Variants in CHD4 observed in about 807,000 individuals in gnomAD.
CHD4 encodes ATP-dependent chromatin remodeler CHD4.
CHD4 carries 35 observed loss-of-function variants against 235.5 expected under a neutral mutation model. The ratio of observed to expected loss-of-function variants is 0.15; its 90% CI spans 0.11 to 0.20. The LOEUF is 0.20. Ranked by LOEUF, CHD4 falls within the 10% of genes least tolerant of loss-of-function variation. The probability of loss-of-function intolerance (pLI) is 1.00; values close to 1 mark genes in which losing one functional copy is unlikely to be tolerated. For synonymous variants in CHD4, 900 were observed against 850.2 expected (o/e 1.06, Z -1.02); for missense variants, 1,329 against 2,432.3 (o/e 0.55, Z 9.54).
At chr12:6,582,047 C>G in intron 30 of CHD4, 90 bp downstream of exon 30, 1 of 1,379,500 alleles carries the variant, frequency 7.2e-7, no homozygotes, top group South Asian at 1.6e-5. Context: ...AAGTGATCCA[C>G]CCGCCTCAGC....
chr12:6,592,263 C>T, intron 19 of CHD4, 130 bp downstream of exon 19: 1 of 1,314,154 alleles, frequency 7.6e-7, no homozygotes, highest in Non-Finnish European at 1.0e-6. Context: ...AGCGCCCTAG[C>T]ATCAGGTTTC....
intron 22 of CHD4, among the ~76,000 whole-genome samples, chr12:6,588,701 C>A (rs1288374011): frequency 2.0e-5 from 3 of 151,780 alleles, no homozygotes; most frequent in African/African-American, 7.3e-5. Flanking sequence ...CCGCTTGAAC[C>A]TGGTAGGCAG....
At chr12:6,601,599 G>C (rs1486403249) in intron 5 of CHD4, 49 bp downstream of exon 5, 1 of 1,613,218 alleles carries the variant, frequency 6.2e-7, no homozygotes, top group Non-Finnish European at 8.5e-7. Context: ...AGTAAGAAGA[G>C]AGAACAGAAA....
At chr12:6,581,417 G>C in intron 31 of CHD4, 29 bp from the exon 32 acceptor site, 1 of 1,599,000 alleles carries the variant, frequency 6.3e-7, no homozygotes, top group Non-Finnish European at 8.6e-7. Flanking sequence ...CAATCAATTA[G>C]GAAGAAGGTA....
At chr12:6,601,844 AG>A in intron 4 of CHD4, 78 bp from the exon 5 acceptor site, 2 of 1,560,176 alleles carry the variant, frequency 1.3e-6, no homozygotes, top group Non-Finnish European at 1.8e-6. Flanking sequence ...TGGAAAAATC[AG>A]AGTAACAGAG....
At chr12:6,577,256 C>T (rs1211454767) in intron 37 of CHD4, among the ~76,000 whole-genome samples, 1 of 145,498 alleles carries the variant, frequency 6.9e-6, no homozygotes, top group South Asian at 2.2e-4. Flanking sequence ...CCCATCTCTA[C>T]TAAAAATCCA....
chr12:6,592,488 C>T lies in CHD4; in HGVS notation c.2853G>A (p.Gly951=). 6.2e-7 allele frequency: 1 copy of T among 1,612,024 alleles called. No homozygotes were observed. Among genetic ancestry groups the T allele is most frequent in the Non-Finnish European group, 8.5e-7 (1 of 1,178,190 alleles). Residue 951 remains glycine (G), a synonymous_variant, in exon 19 of 40, where the codon GGG becomes GGA. Transcript: ENST00000544040. Reference sequence around the variant, plus strand: ...CTTTGAGCCGCCGCAACATGTGCGGCCCCAGCATGTCATGCAGTTTTTTTA... The same window carrying T: ...CTTTGAGCCGCCGCAACATGTGCGGTCCCAGCATGTCATGCAGTTTTTTTA... ...DQIKKLHDML[G]PHMLRRLKAD...
intron 24 of CHD4, 73 bp downstream of exon 24, chr12:6,587,639 G>T: frequency 6.2e-7 from 1 of 1,603,680 alleles, no homozygotes; most frequent in Non-Finnish European, 8.5e-7. Context: ...CAAGACCCTT[G>T]GTATCAAAGA....
chr12:6,604,803 G>A (rs1317486543), intron 2 of CHD4, among the ~76,000 whole-genome samples: 2 of 152,178 alleles, frequency 1.3e-5, no homozygotes, highest in African/African-American at 4.8e-5. Flanking sequence ...CTACAGCTCA[G>A]GACAGAGTTC....
intron 25 of CHD4, chr12:6,584,380 A>T (rs888141297): frequency 6.6e-6 from 1 of 152,184 alleles, no homozygotes; most frequent in Non-Finnish European, 1.5e-5. Flanking sequence ...GAGAAAAGAG[A>T]TACGTGTGTG....
At chr12:6,595,769 CAA>C (rs1948480353) in intron 13 of CHD4, among the ~76,000 whole-genome samples, 1 of 117,782 alleles carries the variant, frequency 8.5e-6, no homozygotes, top group Non-Finnish European at 1.7e-5. Context: ...GCCTGGGGGA[CAA>C]GAGCAAGACT....
rs886039918 is a variant in CHD4 at position 6,587,897 on chromosome 12, C to T, written c.3518G>A (p.Arg1173Gln). The T allele has an allele frequency of 6.2e-7, 1 of 1,614,218 alleles. No homozygotes were observed. The highest frequency in any genetic ancestry group is 1.3e-5 in the African/African-American group (1 of 75,060). The change falls in exon 24 of 40, where the codon CGG (arginine) becomes CAG (glutamine). Residue 1173 changes from arginine (R) to glutamine (Q), a missense_variant. Transcript: ENST00000544040. Reference protein sequence around the residue: ...IGQNKKVMIYRFVTRASVEER... With the variant: ...IGQNKKVMIYQFVTRASVEER... Reference sequence around the variant, plus strand: ...CTCCACTGACGCACGGGTCACAAACCGGTAGATCATTACCTTTTTATTTTG... The same window carrying T: ...CTCCACTGACGCACGGGTCACAAACTGGTAGATCATTACCTTTTTATTTTG...
At chr12:6,574,344 T>A (rs1486100251) in intron 37 of CHD4, among the ~76,000 whole-genome samples, 1 of 152,230 alleles carries the variant, frequency 6.6e-6, no homozygotes, top group East Asian at 1.9e-4. Flanking sequence ...TGCATTCTCC[T>A]AATGCTGAAC....
At chr12:6,580,998 T>C (rs762364248) in intron 33 of CHD4, 46 bp downstream of exon 33, 29 of 1,607,676 alleles carry the variant, frequency 1.8e-5, no homozygotes, top group Admixed American at 8.4e-5. Context: ...AGCACTACAC[T>C]GTCTCAAAAC....
At chr12:6,592,599 G>A (rs766248477) in intron 18 of CHD4, 33 bp from the exon 19 acceptor site, 5 of 1,582,440 alleles carry the variant, frequency 3.2e-6, no homozygotes, top group Middle Eastern at 1.7e-4. Flanking sequence ...AGTTATTGGA[G>A]AAGGAGAAAG....
chr12:6,574,708 A>G (rs1948038828), intron 37 of CHD4, among the ~76,000 whole-genome samples: 1 of 152,144 alleles, frequency 6.6e-6, no homozygotes, highest in Admixed American at 6.5e-5. Context: ...AGAAATACCA[A>G]AAGACTTGTC....
intron 22 of CHD4, among the ~76,000 whole-genome samples, chr12:6,590,738 T>C (rs1000170786): frequency 1.3e-5 from 2 of 152,156 alleles, no homozygotes; most frequent in African/African-American, 4.8e-5. Context: ...GCAGGATCAC[T>C]TGAGCCTGGG....
chr12:6,582,117 G>A lies in CHD4; in HGVS notation c.4515+20C>T. 6.5e-7 allele frequency: 1 copy of A among 1,529,430 alleles called. No homozygotes were observed. The highest frequency in any genetic ancestry group is 1.2e-5 in the South Asian group (1 of 81,084). 94.7% of individuals were successfully genotyped at this position (1,529,430 alleles called of 1,614,324 possible). A position where few individuals can be genotyped will look rare whatever the true frequency, so the allele number is the denominator to read the frequency against. ...TGCGCCTGGCCCCCTAGAAACAATG[G>A]CAAGAGGCTCAGGGCTCACCTTCTT... On this transcript the variant is annotated intron_variant, in intron 30 of 39. Coordinates refer to ENST00000544040, the MANE Select transcript of CHD4 (RefSeq NM_001273.5).
chr12:6,587,814 G>A lies in CHD4; in HGVS notation c.3601C>T (p.Pro1201Ser). The A allele has an allele frequency of 6.2e-7, 1 of 1,614,126 alleles. No individual in the cohort carries two copies. The highest frequency in any genetic ancestry group is 8.5e-7 in the Non-Finnish European group (1 of 1,180,028). ...KMMLTHLVVR[P>S]GLGSKTGSMS... is the part of the protein sequence containing the mutation. ...GATCCAGTCTTGGAGCCCAGCCCAG[G>A]CCGCACCACTAGATGCGTCAGCATC... The change falls in exon 24 of 40, where the codon CCT (proline) becomes TCT (serine). Residue 1201 changes from proline (P) to serine (S), a missense_variant. Pro to Ser is a moderately conservative substitution (Grantham distance 74). This residue lies in a region of CHD4 where 13 missense variants were observed against 141.9 expected (regional missense o/e 0.09). Coordinates refer to ENST00000544040, the MANE Select transcript of CHD4 (RefSeq NM_001273.5).
Sources: gnomAD v4.1 joint callset for allele counts (sites outside exome capture counted in the v4.1 genomes callset) on GRCh38, gnomAD v4.1.1 for gene constraint, gnomAD v4.1.1 regional missense constraint, MANE v1.5 for transcripts, NCBI Gene and HGNC (gene_info 2026-07-23, HGNC 2026-07-21) for gene names.